The following GALNT13 variants were observed in gnomAD, a reference collection of about 807,000 sequenced individuals.
The protein encoded by GALNT13 is polypeptide N-acetylgalactosaminyltransferase 13, also known as UDP-GalNAc:polypeptide N-acetylgalactosaminyltransferase 13.
Under a neutral mutation model 64.2 loss-of-function variants are expected in GALNT13, and 28 were observed. The ratio of observed to expected loss-of-function variants is 0.44; its 90% CI spans 0.32 to 0.60. GALNT13 has a LOEUF of 0.60. Ranked by LOEUF, GALNT13 falls within the 20% of genes least tolerant of loss-of-function variation. GALNT13 has a pLI of 0.05. For missense variants in GALNT13, 577 were observed against 669.8 expected (o/e 0.86, Z 1.53); for synonymous variants, 214 against 224.6 (o/e 0.95, Z 0.42).
chr2:153,102,335 C>G, the GALNT13 span, among the ~76,000 whole-genome samples: 2 of 151,830 alleles, frequency 1.3e-5, no homozygotes, highest in South Asian at 2.1e-4. Flanking sequence ...TTTTTACTGT[C>G]TTATGATTTT....
chr2:153,439,258 C>T, the GALNT13 span, among the ~76,000 whole-genome samples: 1 of 152,198 alleles, frequency 6.6e-6, no homozygotes, highest in African/African-American at 2.4e-5. Flanking sequence ...TTAGGCTCCT[C>T]AGGTGTCAGG....
the GALNT13 span, among the ~76,000 whole-genome samples, chr2:153,372,700 C>G: frequency 6.6e-6 from 1 of 151,760 alleles, no homozygotes; most frequent in Non-Finnish European, 1.5e-5. Flanking sequence ...TTTTAACACT[C>G]TCTCTCATGC....
the GALNT13 span, among the ~76,000 whole-genome samples, chr2:153,523,200 G>A: frequency 1.3e-5 from 2 of 151,830 alleles, no homozygotes; most frequent in African/African-American, 4.8e-5. Context: ...CTCTTTTGAT[G>A]ATCCAAATTT....
At chr2:153,170,815 T>C in the GALNT13 span, among the ~76,000 whole-genome samples, 24 of 152,250 alleles carry the variant, frequency 1.6e-4, no homozygotes, top group Admixed American at 3.3e-4. Flanking sequence ...TTGAAATACA[T>C]TTCTCATTTG....
intron 9 of GALNT13, among the ~76,000 whole-genome samples, chr2:154,379,964 A>T (rs2105329677): frequency 6.6e-6 from 1 of 152,214 alleles, no homozygotes; most frequent in South Asian, 2.1e-4. Flanking sequence ...ATTGCTTTCA[A>T]ATTTTTTTAT....
chr2:154,168,979 G>C (rs757082225), intron 4 of GALNT13, among the ~76,000 whole-genome samples: 19 of 152,130 alleles, frequency 1.2e-4, no homozygotes, highest in Non-Finnish European at 2.5e-4. Flanking sequence ...ATGGTGCAAG[G>C]GGGAGGGGAG....
At chr2:153,971,348 T>A (rs1471000428) in intron 3 of GALNT13, among the ~76,000 whole-genome samples, 2 of 152,138 alleles carry the variant, frequency 1.3e-5, no homozygotes, top group African/African-American at 4.8e-5. Flanking sequence ...GTTTTACTTA[T>A]TTACATTCTT....
chr2:153,915,494 A>T (rs1689265426), intron 2 of GALNT13, among the ~76,000 whole-genome samples: 1 of 152,168 alleles, frequency 6.6e-6, no homozygotes, highest in Non-Finnish European at 1.5e-5. Context: ...TTTCATGGTG[A>T]CTACCTCATT....
At chr2:154,006,165 T>G (rs1696237509) in intron 3 of GALNT13, among the ~76,000 whole-genome samples, 1 of 152,254 alleles carries the variant, frequency 6.6e-6, no homozygotes, top group Non-Finnish European at 1.5e-5. Context: ...TGTGAGATTC[T>G]TAATTACCAA....
the GALNT13 span, among the ~76,000 whole-genome samples, chr2:153,262,702 A>G: frequency 6.6e-6 from 1 of 152,222 alleles, no homozygotes; most frequent in African/African-American, 2.4e-5. Flanking sequence ...GGCAAAAACC[A>G]CATGATTATT....
chr2:153,902,597 T>C (rs1347030309), intron 2 of GALNT13, among the ~76,000 whole-genome samples: 1 of 152,058 alleles, frequency 6.6e-6, no homozygotes, highest in Non-Finnish European at 1.5e-5. Flanking sequence ...TTTAAGCATT[T>C]GTAGAGGGAT....
intron 3 of GALNT13, among the ~76,000 whole-genome samples, chr2:154,084,450 C>G (rs560082716): frequency 1.1e-4 from 17 of 151,774 alleles, no homozygotes; most frequent in African/African-American, 3.4e-4. Context: ...CTAAGGTAAG[C>G]CTACTAAATT....
the GALNT13 span, among the ~76,000 whole-genome samples, chr2:153,865,073 T>G: frequency 1.4e-5 from 2 of 146,712 alleles, no homozygotes; most frequent in African/African-American, 2.5e-5. Context: ...GATTCCCTAT[T>G]TAATAAATGG....
chr2:154,429,931 T>C (rs932579072), intron 11 of GALNT13, among the ~76,000 whole-genome samples: 3 of 152,238 alleles, frequency 2.0e-5, no homozygotes, highest in African/African-American at 7.2e-5. Context: ...ATAGCACATC[T>C]GTTTGCAACA....
At chr2:154,389,907 G>A (rs1356804725) in intron 9 of GALNT13, among the ~76,000 whole-genome samples, 1 of 152,192 alleles carries the variant, frequency 6.6e-6, no homozygotes, top group Non-Finnish European at 1.5e-5. Context: ...AGGCAGTCAT[G>A]ATGGGTGAGG....
At chr2:153,765,708 A>T in the GALNT13 span, among the ~76,000 whole-genome samples, 1 of 152,104 alleles carries the variant, frequency 6.6e-6, no homozygotes, top group Non-Finnish European at 1.5e-5. Flanking sequence ...GGGCAGAATG[A>T]TATGGTTAGG....
At chr2:153,922,238 A>G (rs2105338678) in intron 2 of GALNT13, among the ~76,000 whole-genome samples, 1 of 152,256 alleles carries the variant, frequency 6.6e-6, no homozygotes, top group African/African-American at 2.4e-5. Context: ...TCTCAGTTTG[A>G]ACACAGTTTC....
the GALNT13 span, among the ~76,000 whole-genome samples, chr2:153,281,224 G>C: frequency 6.6e-6 from 1 of 151,442 alleles, no homozygotes. Context: ...TTTTCTGTTT[G>C]CATGATGGAT....
the GALNT13 span, among the ~76,000 whole-genome samples, chr2:153,169,660 G>A: frequency 1.3e-5 from 2 of 152,192 alleles, no homozygotes; most frequent in Non-Finnish European, 2.9e-5. Flanking sequence ...CCTGGTAAGA[G>A]CTTGGCTATG....
Sources: allele counts gnomAD v4.1 joint callset (sites outside exome capture counted in the v4.1 genomes callset), GRCh38; gene constraint gnomAD v4.1.1; transcripts MANE v1.5; gene names NCBI Gene and HGNC (gene_info 2026-07-23, HGNC 2026-07-21).